Variants in GRIA3 observed in about 807,000 individuals in gnomAD.
The protein encoded by GRIA3 is glutamate ionotropic receptor AMPA type subunit 3, also known as glutamate receptor 3.
In GRIA3, 3 loss-of-function variants were observed where a neutral mutation model predicts 63.0. The observed-to-expected ratio is 0.05, with a 90% confidence interval of 0.02 to 0.12. The LOEUF (loss-of-function observed/expected upper bound fraction) is 0.12. Among genes scored for constraint, GRIA3 ranks in the 10% least tolerant of loss-of-function variants. The pLI is 1.00. For synonymous variants in GRIA3, 274 were observed against 257.9 expected (o/e 1.06, Z -0.60); for missense variants, 347 against 700.9 (o/e 0.50, Z 5.70).
rs773316870 is a variant in GRIA3 at position 123,328,933 on chromosome X, T to C, written c.696+2720T>C. Among the ~76,000 whole-genome samples the C allele has an allele frequency of 8.0e-5, 9 of 112,460 alleles. No homozygotes were observed. In the East Asian group the frequency reaches 2.5e-3, roughly 31 times the overall value. The stretch of plus-strand genomic sequence containing the variant: ...AGCAACAACTTCAACATGATATTTA[T>C]TTATAGAAAACATTTTTTAAAGACA... On this transcript the variant is annotated intron_variant, in intron 4 of 15. Transcript: ENST00000620443.
At chrX:123,488,338 T>C (rs1437708780) in intron 15 of GRIA3, among the ~76,000 whole-genome samples, 1 of 112,702 alleles carries the variant, frequency 8.9e-6, no homozygotes, top group African/African-American at 3.2e-5. Context: ...CAGTAAGCCA[T>C]AGAACACTGT....
chrX:123,209,330 T>G (rs959381858), intron 2 of GRIA3, among the ~76,000 whole-genome samples: 1 of 112,258 alleles, frequency 8.9e-6, no homozygotes, highest in Non-Finnish European at 1.9e-5. Context: ...GACAGTATGC[T>G]TGATTTAAGT....
At chrX:123,405,741 A>T (rs947242197) in intron 10 of GRIA3, among the ~76,000 whole-genome samples, 2 of 111,442 alleles carry the variant, frequency 1.8e-5, no homozygotes, top group African/African-American at 6.5e-5. Flanking sequence ...AACCTTCTCT[A>T]TTCGCATCTA....
chrX:123,446,084 C>T (rs1365705831), intron 12 of GRIA3, among the ~76,000 whole-genome samples: 1 of 111,405 alleles, frequency 9.0e-6, no homozygotes, highest in African/African-American at 3.3e-5. Flanking sequence ...TAGTCAATCT[C>T]GGAGTCTCCT....
chrX:123,288,177 A>G (rs1408349842), intron 3 of GRIA3, among the ~76,000 whole-genome samples: 1 of 112,569 alleles, frequency 8.9e-6, no homozygotes. Context: ...AGGATTCCCT[A>G]TTTAATAAAT....
chrX:123,224,241 G>A (rs1466220886), intron 2 of GRIA3, among the ~76,000 whole-genome samples: 1 of 111,780 alleles, frequency 8.9e-6, no homozygotes, highest in African/African-American at 3.3e-5. Flanking sequence ...CTTAAATGAT[G>A]GAGATTTTTC....
At chrX:123,411,189 C>A (rs2045503794) in intron 10 of GRIA3, among the ~76,000 whole-genome samples, 2 of 111,986 alleles carry the variant, frequency 1.8e-5, no homozygotes, top group Non-Finnish European at 1.9e-5. Flanking sequence ...GAAATGTCTG[C>A]CAAAGGCAAC....
chrX:123,379,654 T>C (rs1225519340), intron 5 of GRIA3, among the ~76,000 whole-genome samples: 1 of 106,756 alleles, frequency 9.4e-6, no homozygotes, highest in African/African-American at 3.4e-5. Flanking sequence ...AATTTATTTT[T>C]TTATTATACT....
Position 123,489,082 on chromosome X carries a change from TACACACACACACAC to T in GRIA3, c.*394_*407del, listed in dbSNP as rs34745333. On this transcript the variant is annotated 3_prime_UTR_variant, in exon 16 of 16. Transcript: ENST00000620443. Reference sequence around the variant, plus strand: ...AGTATATAAACACCATGTTCTTTAATACACACACACACACACACACACACACACACACACATTTA... The same window carrying T: ...AGTATATAAACACCATGTTCTTTAATACACACACACACACACACACATTTA... 6 of 94,179 alleles carry T rather than the reference TACACACACACACAC, an allele frequency of 6.4e-5. No individual in the cohort carries two copies. The highest frequency in any genetic ancestry group is 2.3e-4 in the African/African-American group (6 of 26,033). The allele number at this position is 94,179 out of a possible 1,213,427, so 7.8% of individuals were successfully genotyped here. A position where few individuals can be genotyped will look rare whatever the true frequency, so the allele number is the denominator to read the frequency against.
At chrX:123,465,330 T>C (rs1479736793) in intron 13 of GRIA3, among the ~76,000 whole-genome samples, 2 of 112,073 alleles carry the variant, frequency 1.8e-5, no homozygotes, top group African/African-American at 6.5e-5. Context: ...CCTCTCTGAC[T>C]GTTTGTTGCT....
chrX:123,284,292 A>G (rs1314346228), intron 3 of GRIA3, among the ~76,000 whole-genome samples: 1 of 112,190 alleles, frequency 8.9e-6, no homozygotes, highest in African/African-American at 3.2e-5. Context: ...GAAGATAAGA[A>G]AAACCGGCAC....
rs138296735 is a variant in GRIA3 at position 123,260,889 on chromosome X, G to A, written c.508+7347G>A. ...AACTATGAGAGCATCTTGAGAGCCC[G>A]CACAATAATAATAGTGAATGACTAT... On this transcript the variant is annotated intron_variant, in intron 3 of 15. Coordinates refer to ENST00000620443, the MANE Select transcript of GRIA3 (RefSeq NM_007325.5). 2.9e-3 allele frequency among the ~76,000 whole-genome samples: 322 copies of A among 110,896 alleles called. 1 individual carries two copies. Among genetic ancestry groups the A allele is most frequent in the African/African-American group, 9.9e-3 (301 of 30,499 alleles).
chrX:123,441,121 AG>A (rs1157897964), intron 12 of GRIA3, among the ~76,000 whole-genome samples: 26 of 111,777 alleles, frequency 2.3e-4, no homozygotes, highest in Admixed American at 1.5e-3. Flanking sequence ...AATTATTTGG[AG>A]GGAGAAAAGA....
At chrX:123,230,789 A>C in intron 2 of GRIA3, among the ~76,000 whole-genome samples, 1 of 111,850 alleles carries the variant, frequency 8.9e-6, no homozygotes, top group Non-Finnish European at 1.9e-5. Flanking sequence ...TCCTAGTTCT[A>C]TCATCCAGCT....
chrX:123,432,301 T>C (rs2045622448), intron 12 of GRIA3, among the ~76,000 whole-genome samples: 1 of 112,341 alleles, frequency 8.9e-6, no homozygotes, highest in South Asian at 3.7e-4. Flanking sequence ...TCACATTTTT[T>C]CCCCTTTTTA....
In GRIA3 at chrX:123,224,822, C is replaced by T. The variant is rs1019796672; in HGVS notation, c.269-28481C>T. Among the ~76,000 whole-genome samples, 16 of 111,148 alleles carry T rather than the reference C, an allele frequency of 1.4e-4. 1 individual carries two copies. Among genetic ancestry groups the T allele is most frequent in the Admixed American group, 6.7e-4 (7 of 10,430 alleles). On this transcript the variant is annotated intron_variant, in intron 2 of 15. Transcript: ENST00000620443. ...TTTAAATGTAAATCCTTAAACATGCCGGGCTAGCTCATGGCTCAATGCTTT... is the reference window on the plus strand; with the variant it reads ...TTTAAATGTAAATCCTTAAACATGCTGGGCTAGCTCATGGCTCAATGCTTT...
At chrX:123,249,559 G>A (rs1410947430) in intron 2 of GRIA3, among the ~76,000 whole-genome samples, 1 of 111,560 alleles carries the variant, frequency 9.0e-6, no homozygotes, top group Non-Finnish European at 1.9e-5. Context: ...TCCTTCGCAG[G>A]CCTTCTACTG....
chrX:123,417,271 T>C lies in GRIA3; in HGVS notation c.1501-131T>C, dbSNP rs766878588. The C allele has an allele frequency of 4.4e-5, 24 of 547,129 alleles. No individual in the cohort carries two copies. The African/African-American group carries it at 4.8e-4, about 11-fold the overall frequency. 45.1% of individuals were successfully genotyped at this position (547,129 alleles called of 1,213,427 possible). A position where few individuals can be genotyped will look rare whatever the true frequency, so the allele number is the denominator to read the frequency against. ...TGCTACCACTTTTCTAACCTAAGCA[T>C]TGATAATTCAATTGGTTGTAAAGAT... On this transcript the variant is annotated intron_variant, in intron 10 of 15. Coordinates refer to ENST00000620443, the MANE Select transcript of GRIA3 (RefSeq NM_007325.5).
At chrX:123,302,952 G>T (rs922752699) in intron 3 of GRIA3, among the ~76,000 whole-genome samples, 1 of 111,011 alleles carries the variant, frequency 9.0e-6, no homozygotes, top group Non-Finnish European at 1.9e-5. Context: ...CTATGACGTG[G>T]GCTCCCAGAG....
Sources: allele counts gnomAD v4.1 joint callset (sites outside exome capture counted in the v4.1 genomes callset), GRCh38; gene constraint gnomAD v4.1.1; transcripts MANE v1.5; gene names NCBI Gene and HGNC (gene_info 2026-07-23, HGNC 2026-07-21).